Variants in SMG6 observed in about 807,000 individuals in gnomAD.
SMG6 encodes the protein telomerase-binding protein EST1A.
A neutral mutation model predicts 142.2 loss-of-function variants in SMG6; 66 were observed. That is an observed-to-expected ratio of 0.46 (90% confidence interval 0.38 to 0.57). The LOEUF (loss-of-function observed/expected upper bound fraction) is 0.57, where lower values mean the gene tolerates loss of function less well. Ranked by LOEUF, SMG6 falls within the 20% of genes least tolerant of loss-of-function variation. SMG6 has a pLI of 0.00. For synonymous variants in SMG6, 779 were observed against 702.4 expected (o/e 1.11, Z -1.72); for missense variants, 1,793 against 1,832.0 (o/e 0.98, Z 0.39).
chr17:2,290,786 G>T (rs1427724284), intron 6 of SMG6, among the ~76,000 whole-genome samples: 1 of 152,172 alleles, frequency 6.6e-6, no homozygotes, highest in Non-Finnish European at 1.5e-5. Flanking sequence ...GGGCAAAAAA[G>T]TAGTGGGGGG....
At chr17:2,254,621 T>C (rs1282552090) in intron 8 of SMG6, among the ~76,000 whole-genome samples, 2 of 152,116 alleles carry the variant, frequency 1.3e-5, no homozygotes, top group Non-Finnish European at 2.9e-5. Flanking sequence ...AGGCGTGAGA[T>C]ACCGTGCTCG....
At chr17:2,258,317 A>G (rs919714254) in intron 8 of SMG6, among the ~76,000 whole-genome samples, 5 of 152,058 alleles carry the variant, frequency 3.3e-5, no homozygotes, top group Admixed American at 3.3e-4. Flanking sequence ...GCACTTTGGG[A>G]GGCTGACGCA....
intron 12 of SMG6, among the ~76,000 whole-genome samples, chr17:2,173,845 CTTTTTTTTTTTTTT>C (rs35215989): frequency 0.02 from 1,497 of 74,920 alleles, 49 homozygotes; most frequent in African/African-American, 0.068. Context: ...ATCCATAAAG[CTTTTTTTTTTTTTT>C]TTTTTTTTTT....
At chr17:2,292,769 A>G in intron 5 of SMG6, 102 bp downstream of exon 5, 8 of 1,371,582 alleles carry the variant, frequency 5.8e-6, no homozygotes, top group Non-Finnish European at 8.3e-6. Context: ...TACAGGGACC[A>G]ATAGGGACAC....
intron 13 of SMG6, among the ~76,000 whole-genome samples, chr17:2,090,322 G>T (rs941287312): frequency 1.3e-5 from 2 of 152,022 alleles, no homozygotes; most frequent in African/African-American, 2.4e-5. Flanking sequence ...GAGAGAAAAC[G>T]AGCTATATGC....
At chr17:2,124,546 C>G (rs563330608) in intron 13 of SMG6, among the ~76,000 whole-genome samples, 211 of 152,272 alleles carry the variant, frequency 1.4e-3, no homozygotes, top group Non-Finnish European at 2.7e-3. Flanking sequence ...CCTGGCTGTC[C>G]AAGGCCAAAG....
chr17:2,226,935 G>A lies in SMG6; in HGVS notation c.2869+9557C>T, dbSNP rs147232170. On this transcript the variant is annotated intron_variant, in intron 10 of 18. Coordinates refer to ENST00000263073, the MANE Select transcript of SMG6 (RefSeq NM_017575.5). ...GAAAAAAAGCAAGTGGGCAAGAGAT[G>A]TAAACACTTACCAAAGAAGATATAC... Among the ~76,000 whole-genome samples the A allele has an allele frequency of 2.6e-5, 4 of 152,266 alleles. No individual in the cohort carries two copies. The East Asian group carries it at 7.7e-4, about 29-fold the overall frequency.
At position 2,065,097 on chromosome 17, in the gene SMG6, T is replaced by C. The variant is rs2067900516; in HGVS notation, c.4105A>G (p.Lys1369Glu). 6.2e-7 allele frequency: 1 copy of C among 1,613,780 alleles called. No individual in the cohort carries two copies. Among genetic ancestry groups the C allele is most frequent in the Non-Finnish European group, 8.5e-7 (1 of 1,179,850 alleles). ...CCLHYCKDKA[K>E]DFMPASKEEP... ...CCTTTGCTGGCGGGCATGAAGTCCT[T>C]AGCCTTGTCTTTGCAGTAGTGGAGG... The change falls in exon 18 of 19, where the codon AAG (lysine) becomes GAG (glutamate). Residue 1369 changes from lysine (K) to glutamate (E), a missense_variant. Coordinates refer to ENST00000263073, the MANE Select transcript of SMG6 (RefSeq NM_017575.5).
At chr17:2,158,900 T>TAAA (rs58337632) in intron 13 of SMG6, among the ~76,000 whole-genome samples, 1 of 127,284 alleles carries the variant, frequency 7.9e-6, no homozygotes, top group Non-Finnish European at 1.6e-5. Flanking sequence ...AGACTATGTT[T>TAAA]AAAAAAAAAA....
At chr17:2,064,640 G>A (rs1165904738) in intron 18 of SMG6, among the ~76,000 whole-genome samples, 2 of 152,124 alleles carry the variant, frequency 1.3e-5, no homozygotes, top group African/African-American at 2.4e-5. Context: ...AGGAAGGTAA[G>A]CATGGCCAAG....
intron 10 of SMG6, 74 bp downstream of exon 10, chr17:2,236,418 T>A: frequency 1.3e-6 from 2 of 1,493,298 alleles, no homozygotes; most frequent in Non-Finnish European, 1.8e-6. Flanking sequence ...ATGGTAGGTA[T>A]GGTAACACAA....
At chr17:2,148,875 C>G (rs1412966921) in intron 13 of SMG6, among the ~76,000 whole-genome samples, 2 of 148,410 alleles carry the variant, frequency 1.3e-5, no homozygotes, top group Non-Finnish European at 3.0e-5. Flanking sequence ...AAAAAAAATT[C>G]AGAGAGAAAG....
At chr17:2,213,668 C>G (rs889740153) in intron 10 of SMG6, 1 of 152,184 alleles carries the variant, frequency 6.6e-6, no homozygotes, top group African/African-American at 2.4e-5. Flanking sequence ...TCTTGGAAAA[C>G]AAGGTTTCCT....
At chr17:2,212,874 A>C (rs1272755608) in intron 10 of SMG6, 1 of 152,200 alleles carries the variant, frequency 6.6e-6, no homozygotes, top group Non-Finnish European at 1.5e-5. Context: ...CATGTGCATG[A>C]CTCCAGTGGA....
At chr17:2,215,668 G>C (rs1026612386) in intron 10 of SMG6, 1 of 152,116 alleles carries the variant, frequency 6.6e-6, no homozygotes, top group African/African-American at 2.4e-5. Flanking sequence ...GTGTGTGTGG[G>C]GGGGGATCTC....
At chr17:2,171,669 G>A (rs539096575) in intron 13 of SMG6, among the ~76,000 whole-genome samples, 49 of 152,012 alleles carry the variant, frequency 3.2e-4, no homozygotes, top group African/African-American at 9.9e-4. Context: ...CCACTGCAAC[G>A]GGCCAAGACT....
At chr17:2,095,185 C>T (rs1344326843) in intron 13 of SMG6, 1 of 152,256 alleles carries the variant, frequency 6.6e-6, no homozygotes, top group Non-Finnish European at 1.5e-5. Context: ...AGGCTCAGCC[C>T]CTGGGGATGA....
chr17:2,134,108 T>C (rs2641444), intron 13 of SMG6, among the ~76,000 whole-genome samples: 52,824 of 151,870 alleles, frequency 0.35, 9,928 homozygotes, highest in African/African-American at 0.49. Context: ...CCTAGTATTG[T>C]CATATGATCT....
chr17:2,216,552 A>T (rs535258820), intron 10 of SMG6, among the ~76,000 whole-genome samples: 1 of 152,330 alleles, frequency 6.6e-6, no homozygotes, highest in Non-Finnish European at 1.5e-5. Flanking sequence ...TAATTTTTTT[A>T]AATCAACAAT....
Sources: allele counts gnomAD v4.1 joint callset (sites outside exome capture counted in the v4.1 genomes callset), GRCh38; gene constraint gnomAD v4.1.1; transcripts MANE v1.5; gene names NCBI Gene and HGNC (gene_info 2026-07-23, HGNC 2026-07-21).